WDPCP: variants seen among roughly 807,000 people sequenced by gnomAD.
WDPCP encodes WD repeat containing planar cell polarity effector.
Under a neutral mutation model 93.1 loss-of-function variants are expected in WDPCP, and 71 were observed. The observed-to-expected ratio is 0.76, with a 90% CI of 0.63 to 0.93. The LOEUF is 0.93. Among genes scored for constraint, WDPCP ranks in the 40% least tolerant of loss-of-function variants. WDPCP has a pLI of 0.00. For synonymous variants in WDPCP, 315 were observed against 315.0 expected (o/e 1.00, Z 0.00); for missense variants, 844 against 887.4 (o/e 0.95, Z 0.62).
At chr2:63,707,075 C>G (rs1204457811) in intron 2 of WDPCP, among the ~76,000 whole-genome samples, 2 of 152,098 alleles carry the variant, frequency 1.3e-5, no homozygotes, top group Admixed American at 1.3e-4. Context: ...TCCTTCATTT[C>G]AACTTTGGTG....
chr2:63,485,379 T>C (rs964682844), intron 4 of WDPCP, among the ~76,000 whole-genome samples: 1 of 149,006 alleles, frequency 6.7e-6, no homozygotes, highest in African/African-American at 2.5e-5. Context: ...AAAAAAAAAT[T>C]ATCATGAGTA....
chr2:63,567,842 G>A (rs1353150588), intron 1 of WDPCP, among the ~76,000 whole-genome samples: 2 of 152,142 alleles, frequency 1.3e-5, no homozygotes, highest in South Asian at 2.1e-4. Flanking sequence ...TGCCTTTCAC[G>A]ATGCCAGGCA....
chr2:63,689,782 G>A (rs934871119), intron 2 of WDPCP, among the ~76,000 whole-genome samples: 4 of 152,160 alleles, frequency 2.6e-5, no homozygotes. Flanking sequence ...TATGCAGAGT[G>A]CATAATTCAG....
At chr2:63,575,427 AGTGT>A (rs1310228799) in intron 1 of WDPCP, among the ~76,000 whole-genome samples, 1 of 83,886 alleles carries the variant, frequency 1.2e-5, no homozygotes, top group East Asian at 3.5e-4. Context: ...CACTGTATAC[AGTGT>A]ATATACAGTG....
At chr2:63,702,298 T>TTACA (rs1669066659) in intron 2 of WDPCP, among the ~76,000 whole-genome samples, 2 of 152,142 alleles carry the variant, frequency 1.3e-5, no homozygotes, top group African/African-American at 4.8e-5. Context: ...AGTGCTGGGA[T>TTACA]TACAGGCGTG....
chr2:63,434,658 A>G (rs1321097463), intron 8 of WDPCP, among the ~76,000 whole-genome samples: 1 of 152,126 alleles, frequency 6.6e-6, no homozygotes, highest in Non-Finnish European at 1.5e-5. Flanking sequence ...TTGGAAGAAA[A>G]AAAAAACTAT....
At chr2:63,531,706 G>A (rs1703865632) in intron 1 of WDPCP, among the ~76,000 whole-genome samples, 1 of 152,098 alleles carries the variant, frequency 6.6e-6, no homozygotes, top group Admixed American at 6.6e-5. Flanking sequence ...CCATCTGTAG[G>A]TCACCATTAT....
intron 1 of WDPCP, among the ~76,000 whole-genome samples, chr2:63,524,698 G>C (rs1703191543): frequency 6.6e-6 from 1 of 152,148 alleles, no homozygotes; most frequent in African/African-American, 2.4e-5. Context: ...ACTTCGCAAA[G>C]ATTTCATGAT....
intron 1 of WDPCP, among the ~76,000 whole-genome samples, chr2:63,538,178 T>G (rs1041333198): frequency 7.9e-5 from 12 of 152,114 alleles, no homozygotes; most frequent in African/African-American, 2.7e-4. Context: ...TTCAAGCCCC[T>G]GCCTTTAAAC....
chr2:63,394,275 T>C (rs1693528538), intron 10 of WDPCP, among the ~76,000 whole-genome samples: 1 of 151,738 alleles, frequency 6.6e-6, no homozygotes, highest in Non-Finnish European at 1.5e-5. Flanking sequence ...CCTACAACCA[T>C]ATGAAAAAAT....
chr2:63,224,800 C>T (rs1178021132), intron 14 of WDPCP, among the ~76,000 whole-genome samples: 1 of 151,930 alleles, frequency 6.6e-6, no homozygotes, highest in Non-Finnish European at 1.5e-5. Context: ...TATGATATTA[C>T]ATGGTGGATA....
At chr2:63,611,097 C>G (rs549442504) in intron 3 of WDPCP, among the ~76,000 whole-genome samples, 1 of 151,562 alleles carries the variant, frequency 6.6e-6, no homozygotes, top group Non-Finnish European at 1.5e-5. Context: ...GACCCTGTCT[C>G]AAAAAAAACC....
chr2:63,641,423 T>C (rs761761139), intron 3 of WDPCP, among the ~76,000 whole-genome samples: 7 of 152,216 alleles, frequency 4.6e-5, no homozygotes, highest in Non-Finnish European at 8.8e-5. Context: ...GTATGAGGAT[T>C]CCCTTTTCTC....
intron 2 of WDPCP, among the ~76,000 whole-genome samples, chr2:63,744,836 A>G (rs1669771777): frequency 6.6e-6 from 1 of 152,028 alleles, no homozygotes; most frequent in African/African-American, 2.4e-5. Context: ...CACCTCCTGC[A>G]CAAATAGTTT....
intron 14 of WDPCP, among the ~76,000 whole-genome samples, chr2:63,200,185 G>A (rs72813431): frequency 6.8e-4 from 103 of 152,200 alleles, no homozygotes; most frequent in Non-Finnish European, 1.1e-3. Context: ...GTTCATAGGT[G>A]GAAGGGACTT....
chr2:63,422,947 G>A (rs1406138668), intron 9 of WDPCP, among the ~76,000 whole-genome samples: 1 of 152,198 alleles, frequency 6.6e-6, no homozygotes, highest in Non-Finnish European at 1.5e-5. Context: ...TGTCTTAAGT[G>A]GCTAATATTA....
At chr2:63,671,962 C>T (rs1263941042) in intron 2 of WDPCP, among the ~76,000 whole-genome samples, 1 of 152,108 alleles carries the variant, frequency 6.6e-6, no homozygotes, top group East Asian at 1.9e-4. Context: ...AGTGGGCACT[C>T]TCTCAGTCCG....
chr2:63,317,483 T>C (rs1686739330), intron 12 of WDPCP, among the ~76,000 whole-genome samples: 2 of 151,076 alleles, frequency 1.3e-5, no homozygotes, highest in South Asian at 4.2e-4. Context: ...AAGAACAAAG[T>C]TGGAGGCATC....
chr2:63,643,683 G>A, intron 3 of WDPCP: 1 of 477,512 alleles, frequency 2.1e-6, no homozygotes, highest in Non-Finnish European at 4.2e-6. Context: ...TGCACAACTT[G>A]TACTTAGCCT....
Sources: allele counts gnomAD v4.1 joint callset (sites outside exome capture counted in the v4.1 genomes callset), GRCh38; gene constraint gnomAD v4.1.1; transcripts MANE v1.5; gene names NCBI Gene and HGNC (gene_info 2026-07-23, HGNC 2026-07-21).